The following SWT1 variants were observed in gnomAD, a reference collection of about 807,000 sequenced individuals.
SWT1 encodes the protein transcriptional protein SWT1.
A neutral mutation model predicts 107.3 loss-of-function variants in SWT1; 33 were observed. The observed-to-expected ratio is 0.31, with a 90% CI of 0.23 to 0.41. SWT1 has a LOEUF of 0.41. Ranked by LOEUF, SWT1 falls within the 10% of genes least tolerant of loss-of-function variation. The pLI is 1.00. For synonymous variants in SWT1, 345 were observed against 348.3 expected, an observed-to-expected ratio of 0.99 and a Z score of 0.11; for missense variants, 898 against 1,028.9, an observed-to-expected ratio of 0.87 and a Z score of 1.74.
At chr1:185,212,424 T>A (rs1205783783) in intron 13 of SWT1, among the ~76,000 whole-genome samples, 1 of 152,156 alleles carries the variant, frequency 6.6e-6, no homozygotes, top group East Asian at 1.9e-4. Flanking sequence ...GTGGCAGCTC[T>A]AACTGCCATT....
Position 185,182,025 on chromosome 1 carries a change from T to C in SWT1, c.1106T>C (p.Ile369Thr). ...DLPGELMSME[I>T]DLEDDVHSSS... is the part of the protein sequence containing the mutation. ...CCTGGAGAGTTAATGAGTATGGAAA[T>C]TGACTTAGAAGATGATGTACATTCC... is the stretch of plus-strand genomic sequence containing the variant. The change falls in exon 7 of 19, where the codon ATT (isoleucine) becomes ACT (threonine). Residue 369 changes from isoleucine to threonine, a missense_variant. Physicochemically the swap from Ile to Thr is moderately conservative, Grantham distance 89. Transcript: ENST00000367500. 1 of 1,613,800 alleles carries C rather than the reference T, an allele frequency of 6.2e-7. No homozygotes were observed. Among genetic ancestry groups the C allele is most frequent in the Non-Finnish European group, 8.5e-7 (1 of 1,179,812 alleles).
intron 9 of SWT1, among the ~76,000 whole-genome samples, chr1:185,187,037 G>A (rs1656538648): frequency 7.2e-6 from 1 of 139,200 alleles, no homozygotes; most frequent in Non-Finnish European, 1.5e-5. Flanking sequence ...TTACAGGCGT[G>A]AGCCACCGCG....
At chr1:185,276,337 CTG>C (rs1664237511) in intron 17 of SWT1, among the ~76,000 whole-genome samples, 1 of 152,110 alleles carries the variant, frequency 6.6e-6, no homozygotes, top group African/African-American at 2.4e-5. Context: ...TTGTGTTTTT[CTG>C]TCCATTTGAT....
chr1:185,289,797 A>C (rs576966201), intron 18 of SWT1, among the ~76,000 whole-genome samples: 1 of 152,194 alleles, frequency 6.6e-6, no homozygotes, highest in African/African-American at 2.4e-5. Context: ...AATCTAAAAA[A>C]GTATGAGTAG....
chr1:185,241,841 G>T (rs1374893994), intron 16 of SWT1, among the ~76,000 whole-genome samples: 1 of 152,132 alleles, frequency 6.6e-6, no homozygotes, highest in African/African-American at 2.4e-5. Flanking sequence ...AGCAAGCTAT[G>T]AAAGGTTAAA....
intron 16 of SWT1, among the ~76,000 whole-genome samples, chr1:185,243,079 C>A (rs1239029342): frequency 6.6e-6 from 1 of 152,088 alleles, no homozygotes; most frequent in Non-Finnish European, 1.5e-5. Flanking sequence ...GTAGAGTATA[C>A]CCTATACTCT....
chr1:185,201,561 T>C (rs1304745659), intron 10 of SWT1, among the ~76,000 whole-genome samples: 2 of 152,192 alleles, frequency 1.3e-5, no homozygotes, highest in Non-Finnish European at 2.9e-5. Flanking sequence ...CTGCTTCAGC[T>C]TGCCCTCTGA....
intron 11 of SWT1, among the ~76,000 whole-genome samples, chr1:185,203,768 A>G (rs1178381240): frequency 1.3e-5 from 2 of 152,208 alleles, no homozygotes; most frequent in African/African-American, 4.8e-5. Context: ...TCTTTGGGGA[A>G]AATGATTATT....
At chr1:185,266,719 T>C (rs923756385) in intron 16 of SWT1, 1 of 151,920 alleles carries the variant, frequency 6.6e-6, no homozygotes, top group African/African-American at 2.4e-5. Flanking sequence ...TTGAGCTATA[T>C]AGAAATGAAA....
At chr1:185,248,860 A>C (rs532548323) in intron 16 of SWT1, among the ~76,000 whole-genome samples, 2 of 151,656 alleles carry the variant, frequency 1.3e-5, no homozygotes, top group East Asian at 3.9e-4. Flanking sequence ...TAAATTCCAT[A>C]CCATATGGTT....
intron 14 of SWT1, among the ~76,000 whole-genome samples, chr1:185,215,798 C>T (rs1659172630): frequency 6.6e-6 from 1 of 152,120 alleles, no homozygotes; most frequent in Non-Finnish European, 1.5e-5. Flanking sequence ...CCTCAGCCTC[C>T]CAAAGTGTTG....
chr1:185,221,249 C>A (rs1659637149), intron 14 of SWT1, among the ~76,000 whole-genome samples: 1 of 152,096 alleles, frequency 6.6e-6, no homozygotes, highest in Admixed American at 6.6e-5. Context: ...ATTCTGCTGC[C>A]TTTTTATAGC....
intron 16 of SWT1, among the ~76,000 whole-genome samples, chr1:185,255,883 C>G (rs959211413): frequency 7.3e-4 from 111 of 151,496 alleles, no homozygotes; most frequent in African/African-American, 2.5e-3. Context: ...TCTTGATGGT[C>G]TTTACATTTT....
At chr1:185,165,569 G>A (rs1654498518) in intron 2 of SWT1, among the ~76,000 whole-genome samples, 1 of 152,130 alleles carries the variant, frequency 6.6e-6, no homozygotes, top group Non-Finnish European at 1.5e-5. Context: ...CTTATAGTCT[G>A]TTCTCAACAC....
chr1:185,238,177 G>T (rs1408347036), intron 16 of SWT1, among the ~76,000 whole-genome samples: 1 of 151,936 alleles, frequency 6.6e-6, no homozygotes, highest in African/African-American at 2.4e-5. Context: ...TGTAGAGATG[G>T]GGTTTGCCAT....
At chr1:185,234,824 A>T (rs1405807981) in intron 16 of SWT1, among the ~76,000 whole-genome samples, 1 of 152,144 alleles carries the variant, frequency 6.6e-6, no homozygotes, top group Non-Finnish European at 1.5e-5. Flanking sequence ...CTAGACTAAT[A>T]AAGAAGAAAA....
intron 2 of SWT1, among the ~76,000 whole-genome samples, chr1:185,162,372 C>T (rs1654224299): frequency 6.6e-6 from 1 of 152,200 alleles, no homozygotes; most frequent in African/African-American, 2.4e-5. Context: ...GAAACACTTT[C>T]ACAAAGCTTT....
At chr1:185,165,607 T>C (rs978084075) in intron 2 of SWT1, among the ~76,000 whole-genome samples, 22 of 152,366 alleles carry the variant, frequency 1.4e-4, no homozygotes, top group African/African-American at 5.3e-4. Context: ...TATTAAAATA[T>C]AAGTACAATC....
intron 13 of SWT1, among the ~76,000 whole-genome samples, chr1:185,213,887 T>C (rs1347859378): frequency 6.6e-6 from 1 of 152,214 alleles, no homozygotes; most frequent in Non-Finnish European, 1.5e-5. Flanking sequence ...TTATTGTTTG[T>C]AGATTTTCTC....
Sources: gnomAD v4.1 joint callset for allele counts (sites outside exome capture counted in the v4.1 genomes callset) on GRCh38, gnomAD v4.1.1 for gene constraint, MANE v1.5 for transcripts, NCBI Gene and HGNC (gene_info 2026-07-23, HGNC 2026-07-21) for gene names.